PAK1: variants seen among roughly 807,000 people sequenced by gnomAD.
The protein encoded by PAK1 is serine/threonine-protein kinase PAK 1.
PAK1 carries 29 observed loss-of-function variants against 67.4 expected under a neutral mutation model. The observed-to-expected ratio is 0.43, with a 90% CI of 0.32 to 0.59. The LOEUF (loss-of-function observed/expected upper bound fraction) is 0.59, where lower values mean the gene tolerates loss of function less well. Ranked by LOEUF, PAK1 falls within the 20% of genes least tolerant of loss-of-function variation. PAK1 has a pLI of 0.07. For missense variants in PAK1, 337 were observed against 670.7 expected (o/e 0.50, Z 5.50); for synonymous variants, 223 against 237.4 (o/e 0.94, Z 0.56).
intron 1 of PAK1, among the ~76,000 whole-genome samples, chr11:77,409,504 C>T (rs1954173723): frequency 6.6e-6 from 1 of 151,974 alleles, no homozygotes; most frequent in African/African-American, 2.4e-5. Flanking sequence ...TCCCATGAAT[C>T]CTGTAGCACT....
upstream of PAK1, among the ~76,000 whole-genome samples, chr11:77,479,602 C>CTT (rs34649009): frequency 1.0e-3 from 84 of 80,532 alleles, no homozygotes; most frequent in Middle Eastern, 0.01. Flanking sequence ...GAAAAATAAA[C>CTT]TTTTTTTTTT....
At chr11:77,472,150 G>A (rs578141422) in intron 1 of PAK1, among the ~76,000 whole-genome samples, 1 of 152,340 alleles carries the variant, frequency 6.6e-6, no homozygotes, top group East Asian at 1.9e-4. Flanking sequence ...CCGAACTCCA[G>A]TAATGTTGGA....
At chr11:77,408,755 A>G (rs1954040453) in intron 1 of PAK1, among the ~76,000 whole-genome samples, 1 of 152,236 alleles carries the variant, frequency 6.6e-6, no homozygotes. Flanking sequence ...ATTAATAACG[A>G]GAATATATAA....
intron 1 of PAK1, among the ~76,000 whole-genome samples, chr11:77,399,858 C>CAAAAAAAAAAAAAAAAAAAA (rs34662738): frequency 2.4e-5 from 1 of 42,370 alleles, no homozygotes; most frequent in African/African-American, 7.7e-5. Context: ...GACTCCGTCT[C>CAAAAAAAAAAAAAAAAAAAA]AAAAAAAAAA....
the PAK1 span, among the ~76,000 whole-genome samples, chr11:77,523,471 G>A: frequency 6.7e-6 from 1 of 150,156 alleles, no homozygotes; most frequent in Non-Finnish European, 1.5e-5. Context: ...CTAGGCTGGA[G>A]TGCAGTGACG....
chr11:77,491,326 TA>T, the PAK1 span, among the ~76,000 whole-genome samples: 8 of 151,812 alleles, frequency 5.3e-5, no homozygotes, highest in African/African-American at 1.9e-4. Context: ...CGATAAGATA[TA>T]AATAGAAACA....
chr11:77,350,602 A>T (rs1459098975), intron 8 of PAK1, among the ~76,000 whole-genome samples: 1 of 152,232 alleles, frequency 6.6e-6, no homozygotes, highest in Non-Finnish European at 1.5e-5. Flanking sequence ...GAAGAAAATT[A>T]AAATTCTGCT....
the PAK1 span, among the ~76,000 whole-genome samples, chr11:77,516,240 T>G: frequency 6.6e-6 from 1 of 152,236 alleles, no homozygotes; most frequent in South Asian, 2.1e-4. Flanking sequence ...CCATTATTAT[T>G]GATTATTTTT....
intron 1 of PAK1, among the ~76,000 whole-genome samples, chr11:77,464,051 G>C: frequency 6.6e-6 from 1 of 152,252 alleles, no homozygotes; most frequent in East Asian, 1.9e-4. Flanking sequence ...AAAAGTTAAT[G>C]AGTTATTTTA....
the PAK1 span, among the ~76,000 whole-genome samples, chr11:77,504,984 C>T: frequency 1.3e-5 from 2 of 152,186 alleles, no homozygotes; most frequent in African/African-American, 4.8e-5. Context: ...GATCACACAG[C>T]CTGATAGCCT....
At chr11:77,345,313 GA>G (rs1350765521) in intron 9 of PAK1, among the ~76,000 whole-genome samples, 1 of 141,008 alleles carries the variant, frequency 7.1e-6, no homozygotes, top group Non-Finnish European at 1.5e-5. Flanking sequence ...CAGTAGGTTG[GA>G]AAGTACTTTG....
intron 1 of PAK1, chr11:77,412,108 A>T (rs111559610): frequency 0.032 from 4,899 of 152,376 alleles, 133 homozygotes; most frequent in African/African-American, 0.074. Context: ...CCTCTCAGCT[A>T]TTCTCCCCAC....
At chr11:77,518,977 T>A in the PAK1 span, among the ~76,000 whole-genome samples, 1 of 152,204 alleles carries the variant, frequency 6.6e-6, no homozygotes, top group East Asian at 1.9e-4. Context: ...TTTTTCTATT[T>A]GAGTATTTCA....
At chr11:77,368,286 C>T (rs924280741) in intron 5 of PAK1, among the ~76,000 whole-genome samples, 2 of 151,988 alleles carry the variant, frequency 1.3e-5, no homozygotes, top group Admixed American at 6.6e-5. Flanking sequence ...TTAGCAGTAC[C>T]GAAAGCTAGA....
chr11:77,465,791 A>T (rs1957569227), intron 1 of PAK1, among the ~76,000 whole-genome samples: 2 of 152,014 alleles, frequency 1.3e-5, no homozygotes, highest in South Asian at 2.1e-4. Flanking sequence ...CTCTACAAAA[A>T]ATACAAAAAT....
intron 1 of PAK1, among the ~76,000 whole-genome samples, chr11:77,440,334 G>A (rs945261489): frequency 4.6e-5 from 7 of 152,090 alleles, no homozygotes; most frequent in African/African-American, 1.7e-4. Context: ...CAGGAGTTTT[G>A]AGACCAGCCT....
chr11:77,498,221 A>G, the PAK1 span, among the ~76,000 whole-genome samples: 1 of 152,208 alleles, frequency 6.6e-6, no homozygotes, highest in Non-Finnish European at 1.5e-5. Flanking sequence ...ATATGTTAAC[A>G]TTAGGGGGAG....
At chr11:77,371,148 G>C (rs1291129673) in intron 5 of PAK1, among the ~76,000 whole-genome samples, 2 of 152,170 alleles carry the variant, frequency 1.3e-5, no homozygotes, top group Admixed American at 1.3e-4. Context: ...TTTTATAAAT[G>C]AGAATCAGGC....
intron 9 of PAK1, among the ~76,000 whole-genome samples, chr11:77,348,576 A>T (rs1430385343): frequency 2.6e-5 from 4 of 152,182 alleles, no homozygotes; most frequent in Non-Finnish European, 5.9e-5. Context: ...TTCTCCCCCA[A>T]GCCCCAAAGT....
Sources: gnomAD v4.1 joint callset for allele counts (sites outside exome capture counted in the v4.1 genomes callset) on GRCh38, gnomAD v4.1.1 for gene constraint, MANE v1.5 for transcripts, NCBI Gene and HGNC (gene_info 2026-07-23, HGNC 2026-07-21) for gene names.